The following SGCZ variants were observed in gnomAD, a reference collection of about 807,000 sequenced individuals.
SGCZ encodes the protein zeta-sarcoglycan.
Under a neutral mutation model 41.3 loss-of-function variants are expected in SGCZ, and 40 were observed. That is an observed-to-expected ratio of 0.97 (90% CI 0.75 to 1.26). The LOEUF is 1.26. Ranked by LOEUF, SGCZ falls within the 50% of genes most tolerant of loss-of-function variation. The pLI is 0.00. For synonymous variants in SGCZ, 206 were observed against 137.5 expected (o/e 1.50, Z -3.49); for missense variants, 552 against 369.8 (o/e 1.49, Z -4.04).
At chr8:14,239,899 CTCAAAAA>C (rs1798802228) in intron 3 of SGCZ, among the ~76,000 whole-genome samples, 2 of 83,452 alleles carry the variant, frequency 2.4e-5, no homozygotes, top group African/African-American at 5.1e-5. Context: ...GAGACTCCGT[CTCAAAAA>C]AAAAAAAAAA....
At chr8:14,315,143 T>G (rs1045968897) in intron 3 of SGCZ, among the ~76,000 whole-genome samples, 2 of 152,120 alleles carry the variant, frequency 1.3e-5, no homozygotes, top group Admixed American at 6.6e-5. Flanking sequence ...CTTGGAGTCC[T>G]GAAACTTTGG....
chr8:14,292,255 T>C (rs1484324238), intron 3 of SGCZ, among the ~76,000 whole-genome samples: 1 of 152,032 alleles, frequency 6.6e-6, no homozygotes, highest in Non-Finnish European at 1.5e-5. Context: ...GTAGTACATA[T>C]ACAAGTGTGA....
intron 1 of SGCZ, among the ~76,000 whole-genome samples, chr8:14,582,456 G>A (rs1381969422): frequency 6.6e-6 from 1 of 151,730 alleles, no homozygotes; most frequent in Non-Finnish European, 1.5e-5. Context: ...GTATTTTGGG[G>A]GGAGCTTATA....
chr8:14,133,808 C>T (rs777826161), intron 5 of SGCZ, among the ~76,000 whole-genome samples: 5 of 152,130 alleles, frequency 3.3e-5, no homozygotes, highest in African/African-American at 4.8e-5. Flanking sequence ...TCCATCATTT[C>T]GCTCATATTA....
At chr8:14,951,240 C>A (rs773665883) in intron 1 of SGCZ, among the ~76,000 whole-genome samples, 2 of 151,922 alleles carry the variant, frequency 1.3e-5, no homozygotes, top group Non-Finnish European at 2.9e-5. Context: ...TTATTAATTT[C>A]ATGTAAAATA....
intron 2 of SGCZ, among the ~76,000 whole-genome samples, chr8:14,519,092 G>T (rs1322282677): frequency 6.8e-6 from 1 of 147,444 alleles, no homozygotes; most frequent in Non-Finnish European, 1.5e-5. Flanking sequence ...AAAAGACAGA[G>T]ATATATAGTG....
chr8:14,733,449 C>A (rs1798932746), intron 1 of SGCZ, among the ~76,000 whole-genome samples: 1 of 152,176 alleles, frequency 6.6e-6, no homozygotes, highest in South Asian at 2.1e-4. Flanking sequence ...AAAACTTCTT[C>A]TTTCCCGGCA....
At chr8:14,106,574 T>TGTAAA (rs552162141) in intron 6 of SGCZ, among the ~76,000 whole-genome samples, 2 of 152,218 alleles carry the variant, frequency 1.3e-5, no homozygotes, top group South Asian at 2.1e-4. Flanking sequence ...AATTTACTGT[T>TGTAAA]GTAAAGTATG....
intron 1 of SGCZ, among the ~76,000 whole-genome samples, chr8:14,629,051 A>C (rs1024272845): frequency 5.3e-5 from 8 of 152,174 alleles, no homozygotes; most frequent in Non-Finnish European, 1.0e-4. Flanking sequence ...CCTACGAAGG[A>C]AAAAGAATTT....
intron 2 of SGCZ, among the ~76,000 whole-genome samples, chr8:14,550,930 T>C (rs10106402): frequency 0.27 from 41,572 of 151,868 alleles, 7,158 homozygotes; most frequent in Non-Finnish European, 0.39. Context: ...AATTATTTTC[T>C]TGGGATTTTT....
At chr8:14,578,009 A>C (rs1034867037) in intron 1 of SGCZ, among the ~76,000 whole-genome samples, 1 of 152,194 alleles carries the variant, frequency 6.6e-6, no homozygotes, top group Non-Finnish European at 1.5e-5. Flanking sequence ...TGTACACTAC[A>C]TCAAAGGGCC....
At chr8:14,111,570 G>A (rs779561785) in intron 5 of SGCZ, among the ~76,000 whole-genome samples, 8 of 152,262 alleles carry the variant, frequency 5.3e-5, no homozygotes, top group Non-Finnish European at 1.0e-4. Flanking sequence ...CTGTTCAAAA[G>A]GGTACAATGT....
chr8:14,712,734 A>T (rs1809561995), intron 1 of SGCZ, among the ~76,000 whole-genome samples: 1 of 152,082 alleles, frequency 6.6e-6, no homozygotes, highest in Admixed American at 6.5e-5. Context: ...TTTCCTGGTT[A>T]TTTACTGCAT....
chr8:15,081,120 C>A (rs1339900752), intron 1 of SGCZ, among the ~76,000 whole-genome samples: 4 of 152,130 alleles, frequency 2.6e-5, no homozygotes, highest in Admixed American at 6.5e-5. Flanking sequence ...TGTATGGCAA[C>A]CCTAGCAAAC....
chr8:14,290,007 A>T (rs1184327376), intron 3 of SGCZ, among the ~76,000 whole-genome samples: 2 of 151,570 alleles, frequency 1.3e-5, no homozygotes, highest in East Asian at 3.9e-4. Context: ...TCTTGTGAGA[A>T]CTCCAGCATT....
intron 3 of SGCZ, among the ~76,000 whole-genome samples, chr8:14,242,181 G>C (rs771568907): frequency 6.6e-6 from 1 of 152,190 alleles, no homozygotes; most frequent in Non-Finnish European, 1.5e-5. Flanking sequence ...TTGTTGAGAA[G>C]ATATGGGTGT....
chr8:15,118,737 A>G (rs1218891105), intron 1 of SGCZ, among the ~76,000 whole-genome samples: 1 of 152,192 alleles, frequency 6.6e-6, no homozygotes, highest in Admixed American at 6.5e-5. Flanking sequence ...TTAGGAAAAA[A>G]AAATAGAAAA....
chr8:14,597,580 C>T (rs1010439028), intron 1 of SGCZ, among the ~76,000 whole-genome samples: 1 of 152,046 alleles, frequency 6.6e-6, no homozygotes, highest in African/African-American at 2.4e-5. Context: ...GTGATACTCC[C>T]TTTCTCCCTG....
At chr8:14,839,041 T>C (rs968356797) in intron 1 of SGCZ, among the ~76,000 whole-genome samples, 4 of 152,190 alleles carry the variant, frequency 2.6e-5, no homozygotes, top group African/African-American at 9.6e-5. Context: ...TGACTTAGTT[T>C]TAAAAGAATA....
Sources: allele counts gnomAD v4.1 joint callset (sites outside exome capture counted in the v4.1 genomes callset), GRCh38; gene constraint gnomAD v4.1.1; transcripts MANE v1.5; gene names NCBI Gene and HGNC (gene_info 2026-07-23, HGNC 2026-07-21).